Variants in XKR4 observed in about 807,000 individuals in gnomAD.
The protein encoded by XKR4 is XK-related protein 4.
Under a neutral mutation model 53.9 loss-of-function variants are expected in XKR4, and 12 were observed. The ratio of observed to expected loss-of-function variants is 0.22; its 90% CI spans 0.14 to 0.36. The LOEUF is 0.36. Among genes scored for constraint, XKR4 ranks in the 10% least tolerant of loss-of-function variants. XKR4 has a pLI of 1.00. For missense variants in XKR4, 799 were observed against 859.5 expected (o/e 0.93, Z 0.88); for synonymous variants, 354 against 362.4 (o/e 0.98, Z 0.26).
At chr8:55,461,223 C>A (rs569675590) in intron 2 of XKR4, among the ~76,000 whole-genome samples, 1 of 152,314 alleles carries the variant, frequency 6.6e-6, no homozygotes, top group Non-Finnish European at 1.5e-5. Flanking sequence ...AAGGCACCCC[C>A]CAGTAGGGGC....
chr8:55,524,235 G>A lies in XKR4; in HGVS notation c.*8G>A, dbSNP rs1213290167. ...TACGAAACCACTTTATAAAGCAAAA[G>A]GAGTTGCAGGACCCACAACATCCAG... On this transcript the variant is annotated 3_prime_UTR_variant, in exon 3 of 3. Transcript: ENST00000327381. 6.2e-7 allele frequency: 1 copy of A among 1,604,992 alleles called. No individual in the cohort carries two copies. The highest frequency in any genetic ancestry group is 8.5e-7 in the Non-Finnish European group (1 of 1,174,810).
chr8:55,472,709 C>T (rs1416148890), intron 2 of XKR4, among the ~76,000 whole-genome samples: 1 of 152,062 alleles, frequency 6.6e-6, no homozygotes, highest in African/African-American at 2.4e-5. Context: ...TTTCGCTATT[C>T]TGAGGTCACC....
chr8:55,438,461 G>T (rs1254782960), intron 2 of XKR4, among the ~76,000 whole-genome samples: 1 of 151,764 alleles, frequency 6.6e-6, no homozygotes, highest in Non-Finnish European at 1.5e-5. Flanking sequence ...GTGGTGGTGA[G>T]CACCTGTAAT....
At chr8:55,469,296 A>G (rs1805836135) in intron 2 of XKR4, among the ~76,000 whole-genome samples, 1 of 152,110 alleles carries the variant, frequency 6.6e-6, no homozygotes, top group Admixed American at 6.6e-5. Flanking sequence ...TAGATTAAGA[A>G]CAATGGCAAT....
chr8:55,472,231 A>G (rs1265856561), intron 2 of XKR4, among the ~76,000 whole-genome samples: 1 of 152,096 alleles, frequency 6.6e-6, no homozygotes, highest in Non-Finnish European at 1.5e-5. Context: ...TGGAGGGGAT[A>G]GGTAGCTCTC....
At chr8:55,297,802 G>A (rs1819122005) in intron 1 of XKR4, among the ~76,000 whole-genome samples, 1 of 152,194 alleles carries the variant, frequency 6.6e-6, no homozygotes, top group Non-Finnish European at 1.5e-5. Context: ...GGGGAAGATG[G>A]ACCTATTGGC....
chr8:55,370,417 C>G (rs927039568), intron 2 of XKR4, among the ~76,000 whole-genome samples: 1 of 152,140 alleles, frequency 6.6e-6, no homozygotes, highest in African/African-American at 2.4e-5. Flanking sequence ...TTATTGTATC[C>G]ACCTTCATAA....
At chr8:55,145,673 T>A (rs984409147) in intron 1 of XKR4, among the ~76,000 whole-genome samples, 6 of 152,230 alleles carry the variant, frequency 3.9e-5, no homozygotes, top group African/African-American at 1.4e-4. Flanking sequence ...TATTTGCTAT[T>A]CAAGAACCTA....
intron 1 of XKR4, among the ~76,000 whole-genome samples, chr8:55,235,169 CT>C (rs1563489590): frequency 1.3e-5 from 2 of 152,210 alleles, no homozygotes; most frequent in African/African-American, 4.8e-5. Flanking sequence ...ATCACCCAGT[CT>C]CTGTCTCCAT....
chr8:55,295,661 C>A (rs1234338357), intron 1 of XKR4, among the ~76,000 whole-genome samples: 1 of 151,854 alleles, frequency 6.6e-6, no homozygotes, highest in Non-Finnish European at 1.5e-5. Flanking sequence ...CTGATCTGAC[C>A]CTTTGCAGGG....
At chr8:55,332,303 A>G (rs922420120) in intron 1 of XKR4, among the ~76,000 whole-genome samples, 4 of 152,112 alleles carry the variant, frequency 2.6e-5, no homozygotes, top group Non-Finnish European at 1.5e-5. Flanking sequence ...TTATGGATCT[A>G]CCTTTTAAAT....
intron 1 of XKR4, among the ~76,000 whole-genome samples, chr8:55,252,536 G>A (rs748945678): frequency 6.6e-5 from 10 of 152,198 alleles, no homozygotes; most frequent in Non-Finnish European, 1.3e-4. Context: ...TGATTCATTT[G>A]CCATAGATGG....
chr8:55,522,499 G>A (rs1806812154), intron 2 of XKR4, among the ~76,000 whole-genome samples: 1 of 152,144 alleles, frequency 6.6e-6, no homozygotes, highest in Non-Finnish European at 1.5e-5. Flanking sequence ...TTTTAAGAAT[G>A]CATAAACTGT....
chr8:55,418,067 G>A (rs963654987), intron 2 of XKR4, among the ~76,000 whole-genome samples: 1 of 152,230 alleles, frequency 6.6e-6, no homozygotes, highest in African/African-American at 2.4e-5. Flanking sequence ...CAGGACCAGA[G>A]GAGCTAGATG....
intron 2 of XKR4, among the ~76,000 whole-genome samples, chr8:55,488,481 C>T (rs942598897): frequency 6.6e-6 from 1 of 152,108 alleles, no homozygotes; most frequent in African/African-American, 2.4e-5. Context: ...TACATCCAGA[C>T]AATAGAATAT....
At chr8:55,264,521 A>G (rs1818571673) in intron 1 of XKR4, among the ~76,000 whole-genome samples, 2 of 152,200 alleles carry the variant, frequency 1.3e-5, no homozygotes, top group South Asian at 2.1e-4. Flanking sequence ...ATTATTCACA[A>G]CTGTGTTTCA....
intron 1 of XKR4, among the ~76,000 whole-genome samples, chr8:55,111,632 A>G (rs899835758): frequency 6.6e-6 from 1 of 152,228 alleles, no homozygotes; most frequent in East Asian, 1.9e-4. Context: ...ACATATCTAC[A>G]TATTCGAAAT....
chr8:55,205,577 A>G (rs1000735984), intron 1 of XKR4, among the ~76,000 whole-genome samples: 1 of 152,262 alleles, frequency 6.6e-6, no homozygotes, highest in African/African-American at 2.4e-5. Flanking sequence ...TTAAAAAACT[A>G]ATTATTAGTG....
At chr8:55,434,309 T>C (rs1344168046) in intron 2 of XKR4, among the ~76,000 whole-genome samples, 1 of 152,158 alleles carries the variant, frequency 6.6e-6, no homozygotes, top group Non-Finnish European at 1.5e-5. Flanking sequence ...TTTGAATTAG[T>C]CTTACCAAAA....
Sources: gnomAD v4.1 joint callset for allele counts (sites outside exome capture counted in the v4.1 genomes callset) on GRCh38, gnomAD v4.1.1 for gene constraint, MANE v1.5 for transcripts, NCBI Gene and HGNC (gene_info 2026-07-23, HGNC 2026-07-21) for gene names.